The following CNTNAP2 variants were observed in gnomAD, a reference collection of about 807,000 sequenced individuals.
CNTNAP2 encodes contactin associated protein 2, also known as contactin-associated protein-like 2.
Under a neutral mutation model 155.2 loss-of-function variants are expected in CNTNAP2, and 98 were observed. The observed-to-expected ratio is 0.63, with a 90% CI of 0.54 to 0.75. The LOEUF is 0.75. CNTNAP2 is among the 30% of genes least tolerant of loss of function. CNTNAP2 has a pLI of 0.00. For missense variants in CNTNAP2, 1,727 were observed against 1,688.1 expected (o/e 1.02, Z -0.40); for synonymous variants, 651 against 631.2 (o/e 1.03, Z -0.47).
At chr7:147,872,105 T>A (rs1039174644) in intron 13 of CNTNAP2, among the ~76,000 whole-genome samples, 2 of 152,290 alleles carry the variant, frequency 1.3e-5, no homozygotes, top group Middle Eastern at 3.4e-3. Flanking sequence ...AAATGCCCTG[T>A]GGAGAAAGAG....
At chr7:148,187,548 C>A (rs1795139626) in intron 18 of CNTNAP2, among the ~76,000 whole-genome samples, 1 of 152,178 alleles carries the variant, frequency 6.6e-6, no homozygotes, top group Non-Finnish European at 1.5e-5. Flanking sequence ...AAAATCCAAA[C>A]AAAACATGGA....
At chr7:147,178,604 G>T (rs1802395111) in intron 8 of CNTNAP2, among the ~76,000 whole-genome samples, 1 of 152,064 alleles carries the variant, frequency 6.6e-6, no homozygotes, top group African/African-American at 2.4e-5. Flanking sequence ...ACATCACTCT[G>T]CCCCTCTTAC....
intron 1 of CNTNAP2, among the ~76,000 whole-genome samples, chr7:146,407,410 A>G (rs1795807923): frequency 6.6e-6 from 1 of 152,176 alleles, no homozygotes; most frequent in Non-Finnish European, 1.5e-5. Flanking sequence ...GTCTCATGAA[A>G]TGTACGATTT....
At chr7:147,058,061 A>G (rs1223798526) in intron 4 of CNTNAP2, among the ~76,000 whole-genome samples, 2 of 152,168 alleles carry the variant, frequency 1.3e-5, no homozygotes, top group African/African-American at 4.8e-5. Flanking sequence ...ACTTCTAAAC[A>G]TTTTCAATCT....
At chr7:147,973,556 T>C (rs148377617) in intron 14 of CNTNAP2, among the ~76,000 whole-genome samples, 257 of 152,312 alleles carry the variant, frequency 1.7e-3, no homozygotes, top group Non-Finnish European at 2.8e-3. Flanking sequence ...TTGCTTAGTA[T>C]GGTATATTGA....
At chr7:147,072,440 TG>T (rs1296303766) in intron 4 of CNTNAP2, among the ~76,000 whole-genome samples, 2 of 151,746 alleles carry the variant, frequency 1.3e-5, no homozygotes, top group African/African-American at 4.9e-5. Flanking sequence ...ATGTCTGCTC[TG>T]GGTAAGCCTT....
chr7:146,194,881 A>T (rs2116857651), intron 1 of CNTNAP2, among the ~76,000 whole-genome samples: 1 of 152,300 alleles, frequency 6.6e-6, no homozygotes. Flanking sequence ...GGGTCTGGAG[A>T]CCTGAATTCT....
intron 18 of CNTNAP2, among the ~76,000 whole-genome samples, chr7:148,174,878 G>C (rs1022224464): frequency 4.6e-5 from 7 of 152,024 alleles, no homozygotes; most frequent in Non-Finnish European, 1.0e-4. Context: ...ATATACATTA[G>C]GTATTTGTCC....
At chr7:147,215,762 G>T (rs1475551574) in intron 8 of CNTNAP2, among the ~76,000 whole-genome samples, 1 of 152,154 alleles carries the variant, frequency 6.6e-6, no homozygotes, top group African/African-American at 2.4e-5. Flanking sequence ...AGGAGAAACT[G>T]CCAAACTGTC....
chr7:147,634,421 C>T lies in CNTNAP2; in HGVS notation c.1898-4685C>T, dbSNP rs548408075. On this transcript the variant is annotated intron_variant, in intron 12 of 23. Coordinates refer to ENST00000361727, the MANE Select transcript of CNTNAP2 (RefSeq NM_014141.6). ...AATCTATGAAGACATAAAAGCATAA[C>T]AATGATATAATGGACTTTGGGGACT... is the stretch of plus-strand genomic sequence containing the variant. Among the ~76,000 whole-genome samples, 27 of 152,154 alleles carry T rather than the reference C, an allele frequency of 1.8e-4. No individual in the cohort carries two copies. In the South Asian group the frequency reaches 5.6e-3, roughly 32 times the overall value.
At chr7:147,942,931 G>C (rs1800751035) in intron 14 of CNTNAP2, among the ~76,000 whole-genome samples, 1 of 152,040 alleles carries the variant, frequency 6.6e-6, no homozygotes, top group Admixed American at 6.6e-5. Context: ...CAGCTACTCG[G>C]GAGGCTGAGG....
chr7:146,793,037 T>G (rs1054769413), intron 2 of CNTNAP2, among the ~76,000 whole-genome samples: 7 of 152,172 alleles, frequency 4.6e-5, no homozygotes, highest in Non-Finnish European at 1.0e-4. Context: ...TTAGTTAAAC[T>G]AAAATATTGA....
At chr7:147,167,617 A>C in intron 8 of CNTNAP2, 1 of 640,780 alleles carries the variant, frequency 1.6e-6, no homozygotes, top group Non-Finnish European at 2.6e-6. Flanking sequence ...GTCTAGTTTT[A>C]TATGCAGCTG....
At chr7:147,287,157 G>A (rs1805198558) in intron 8 of CNTNAP2, among the ~76,000 whole-genome samples, 4 of 152,068 alleles carry the variant, frequency 2.6e-5, no homozygotes. Flanking sequence ...TATAGCCAAA[G>A]AATAGAGTGG....
intron 3 of CNTNAP2, among the ~76,000 whole-genome samples, chr7:147,004,722 T>G (rs1798494136): frequency 6.6e-6 from 1 of 152,072 alleles, no homozygotes; most frequent in African/African-American, 2.4e-5. Flanking sequence ...AATTCACATA[T>G]ACTGATCTAA....
At chr7:146,193,903 A>G (rs1562985164) in intron 1 of CNTNAP2, among the ~76,000 whole-genome samples, 1 of 152,172 alleles carries the variant, frequency 6.6e-6, no homozygotes, top group Non-Finnish European at 1.5e-5. Flanking sequence ...CATCTCTCTC[A>G]AGTTCAAAGT....
At chr7:146,123,882 A>T (rs1797598044) in intron 1 of CNTNAP2, among the ~76,000 whole-genome samples, 1 of 152,206 alleles carries the variant, frequency 6.6e-6, no homozygotes, top group South Asian at 2.1e-4. Flanking sequence ...GGACAAAGAA[A>T]ATGTGACAAG....
chr7:147,188,029 C>T (rs1471481921), intron 8 of CNTNAP2, among the ~76,000 whole-genome samples: 7 of 151,966 alleles, frequency 4.6e-5, no homozygotes, highest in Admixed American at 3.9e-4. Context: ...CCACTGCACT[C>T]CAGCCAGGGT....
rs144543623 is a variant in CNTNAP2, at chr7:146,307,333, C to T, written c.97+190360C>T. ...CACTGCTCAATGAAATAAAAGAGGA[C>T]GCAAACAAATGGAAGAACATTCCAT... On this transcript the variant is annotated intron_variant, in intron 1 of 23. Coordinates refer to ENST00000361727, the MANE Select transcript of CNTNAP2 (RefSeq NM_014141.6). Among the ~76,000 whole-genome samples, 339 of 152,072 alleles carry T rather than the reference C, an allele frequency of 2.2e-3. 2 individuals are homozygous for T. Among genetic ancestry groups the T allele is most frequent in the African/African-American group, 7.4e-3 (306 of 41,482 alleles).
Sources: gnomAD v4.1 joint callset for allele counts (sites outside exome capture counted in the v4.1 genomes callset) on GRCh38, gnomAD v4.1.1 for gene constraint, MANE v1.5 for transcripts, NCBI Gene and HGNC (gene_info 2026-07-23, HGNC 2026-07-21) for gene names.